Variants in IDH1 observed in about 807,000 individuals in gnomAD.
IDH1 encodes the protein isocitrate dehydrogenase (NADP(+)) 1, also known as isocitrate dehydrogenase [NADP] cytoplasmic.
A neutral mutation model predicts 46.1 loss-of-function variants in IDH1; 33 were observed. That is an observed-to-expected ratio of 0.72 (90% CI 0.54 to 0.96). IDH1 has a LOEUF of 0.96. Among genes scored for constraint, IDH1 ranks in the 40% least tolerant of loss-of-function variants. IDH1 has a pLI of 0.00. For missense variants in IDH1, 421 were observed against 515.7 expected, an observed-to-expected ratio of 0.82 and a Z score of 1.78; for synonymous variants, 144 against 172.8, an observed-to-expected ratio of 0.83 and a Z score of 1.31.
chr2:208,249,302 G>A (rs1574409859), intron 3 of IDH1, among the ~76,000 whole-genome samples: 2 of 150,866 alleles, frequency 1.3e-5, no homozygotes, highest in East Asian at 2.0e-4. Context: ...TGATTCCCCC[G>A]CCTCAGCCTC....
At chr2:208,246,313 G>A (rs1688021534) in intron 4 of IDH1, among the ~76,000 whole-genome samples, 1 of 152,126 alleles carries the variant, frequency 6.6e-6, no homozygotes. Flanking sequence ...TGCAGAGTTA[G>A]GTACCAGCAG....
chr2:208,237,112 G>T lies in IDH1; in HGVS notation c.1212C>A (p.Asn404Lys). The change falls in exon 10 of 10, where the codon AAC becomes AAA. Residue 404 changes from asparagine to lysine, a missense_variant. Asn to Lys is a moderately conservative substitution (Grantham distance 94, BLOSUM62 0). Transcript: ENST00000345146. The part of the protein sequence containing the change: ...TFEFMDKLGE[N>K]LKIKLAQAKL Reference sequence around the variant, plus strand: ...TGGCCTGAGCTAGTTTGATCTTCAAGTTTTCTCCAAGTTTATCCATGAACT... The same window carrying T: ...TGGCCTGAGCTAGTTTGATCTTCAATTTTTCTCCAAGTTTATCCATGAACT... 6.2e-7 allele frequency: 1 copy of T among 1,608,764 alleles called. No individual in the cohort carries two copies. Among genetic ancestry groups the T allele is most frequent in the Non-Finnish European group, 8.5e-7 (1 of 1,175,562 alleles).
intron 7 of IDH1, chr2:208,240,335 G>C (rs565206043): frequency 3.2e-6 from 1 of 315,004 alleles, no homozygotes; most frequent in Non-Finnish European, 6.3e-6. Context: ...TGTAAAATGG[G>C]AGTAATAACA....
At chr2:208,241,581 T>A (rs1440500111) in intron 7 of IDH1, among the ~76,000 whole-genome samples, 1 of 152,104 alleles carries the variant, frequency 6.6e-6, no homozygotes, top group Non-Finnish European at 1.5e-5. Flanking sequence ...CAGAGGGACA[T>A]GAGTAGGTCC....
intron 9 of IDH1, among the ~76,000 whole-genome samples, chr2:208,238,298 G>A (rs1290672669): frequency 6.6e-6 from 1 of 152,084 alleles, no homozygotes; most frequent in Non-Finnish European, 1.5e-5. Context: ...GCCTCCCAAA[G>A]TGCTAGGATT....
intron 4 of IDH1, among the ~76,000 whole-genome samples, chr2:208,245,789 CAA>C (rs11305109): frequency 0.083 from 9,735 of 117,194 alleles, 795 homozygotes; most frequent in African/African-American, 0.16. Context: ...ACCCCCCCCC[CAA>C]AAAAAAAAAA....
intron 3 of IDH1, among the ~76,000 whole-genome samples, chr2:208,251,015 CAGA>C (rs1196351888): frequency 2.0e-5 from 3 of 152,160 alleles, no homozygotes; most frequent in Non-Finnish European, 4.4e-5. Context: ...TCACAGGAAA[CAGA>C]AGGTTAGAAG....
At chr2:208,245,546 CTT>C (rs34363027) in intron 4 of IDH1, 122 bp from the exon 5 acceptor site, 3,881 of 335,146 alleles carry the variant, frequency 0.012, no homozygotes, top group Middle Eastern at 0.022. Flanking sequence ...TGTCAAACTT[CTT>C]TTTTTTTTTT....
intron 3 of IDH1, among the ~76,000 whole-genome samples, chr2:208,250,873 T>C (rs1191295085): frequency 1.3e-5 from 2 of 152,240 alleles, no homozygotes; most frequent in Non-Finnish European, 2.9e-5. Context: ...AGTAAAGTGA[T>C]AGAAAATTGA....
At position 208,243,455 on chromosome 2, in the gene IDH1, TA is replaced by T; in HGVS notation, c.669del (p.Phe223LeufsTer37). ...NTILKKYDGRFKDIFQEIYDK... is the reference protein window; with the variant it reads ...NTILKKYDGRXKDIFQEIYDK... ...TCATATATCTCCTGAAAGATGTCTT[TA>T]AAACGCCCATCATATTTCTTCAGAA... On this transcript the variant is annotated frameshift_variant, in exon 6 of 10. Transcript: ENST00000345146. LOFTEE classifies it high-confidence loss of function. 1.2e-6 allele frequency: 2 copies of T among 1,613,868 alleles called. No individual in the cohort carries two copies. The highest frequency in any genetic ancestry group is 3.3e-5 in the Admixed American group (2 of 60,024).
At chr2:208,245,720 A>C (rs1688006689) in intron 4 of IDH1, among the ~76,000 whole-genome samples, 1 of 151,554 alleles carries the variant, frequency 6.6e-6, no homozygotes, top group Non-Finnish European at 1.5e-5. Flanking sequence ...CAACCCTATA[A>C]AGACATATAT....
chr2:208,239,255 A>G, intron 8 of IDH1, 22 bp from the exon 9 acceptor site: 1 of 1,612,380 alleles, frequency 6.2e-7, no homozygotes, highest in Non-Finnish European at 8.5e-7. Flanking sequence ...GAAAAAAAAC[A>G]CAACACTCCA....
intron 7 of IDH1, among the ~76,000 whole-genome samples, chr2:208,241,704 G>C (rs779439984): frequency 5.9e-5 from 9 of 152,092 alleles, no homozygotes; most frequent in Non-Finnish European, 1.3e-4. Context: ...TTTCACCAAA[G>C]GACAAGGAGG....
intron 6 of IDH1, among the ~76,000 whole-genome samples, chr2:208,242,632 A>G (rs1177377709): frequency 1.3e-5 from 2 of 152,234 alleles, no homozygotes; most frequent in Non-Finnish European, 2.9e-5. Flanking sequence ...TTGCACCTAA[A>G]GGGAGTTATG....
chr2:208,238,808 G>T (rs1335067902), intron 9 of IDH1, among the ~76,000 whole-genome samples: 6 of 152,154 alleles, frequency 3.9e-5, no homozygotes, highest in African/African-American at 1.4e-4. Flanking sequence ...ATTGGTACCA[G>T]CCACACCATT....
intron 3 of IDH1, among the ~76,000 whole-genome samples, chr2:208,249,942 A>G (rs554480433): frequency 6.6e-6 from 1 of 152,296 alleles, no homozygotes; most frequent in South Asian, 2.1e-4. Context: ...AAATTATTAG[A>G]TTTTTTGCTT....
chr2:208,252,230 T>C (rs150582330), intron 2 of IDH1, among the ~76,000 whole-genome samples: 5 of 152,298 alleles, frequency 3.3e-5, no homozygotes, highest in African/African-American at 1.2e-4. Flanking sequence ...ACATTGGAGA[T>C]GTGGGGCTAA....
At chr2:208,237,310 A>G (rs1687829294) in intron 9 of IDH1, 141 bp from the exon 10 acceptor site, 1 of 674,924 alleles carries the variant, frequency 1.5e-6, no homozygotes, top group Admixed American at 2.1e-5. Flanking sequence ...AAGCTACAAA[A>G]TCTATAGACA....
chr2:208,250,555 C>T (rs113049026), intron 3 of IDH1, among the ~76,000 whole-genome samples: 2,799 of 152,192 alleles, frequency 0.018, 37 homozygotes, highest in African/African-American at 0.038. Context: ...TTGGCTGAAA[C>T]GTGTTGCTCA....
Sources: gnomAD v4.1 joint callset for allele counts (sites outside exome capture counted in the v4.1 genomes callset) on GRCh38, gnomAD v4.1.1 for gene constraint, MANE v1.5 for transcripts, NCBI Gene and HGNC (gene_info 2026-07-23, HGNC 2026-07-21) for gene names.